DOCK5: variants seen among roughly 807,000 people sequenced by gnomAD.
DOCK5 encodes dedicator of cytokinesis 5.
A neutral mutation model predicts 251.8 loss-of-function variants in DOCK5; 142 were observed. The observed-to-expected ratio is 0.56, with a 90% CI of 0.49 to 0.65. The LOEUF is 0.65. DOCK5 is among the 30% of genes least tolerant of loss of function. The probability of loss-of-function intolerance (pLI) is 0.00; values close to 1 mark genes in which losing one functional copy is unlikely to be tolerated. For missense variants in DOCK5, 2,111 were observed against 2,312.3 expected (o/e 0.91, Z 1.79); for synonymous variants, 842 against 835.5 (o/e 1.01, Z -0.13).
At chr8:25,218,606 C>T (rs9657270) in intron 1 of DOCK5, among the ~76,000 whole-genome samples, 136 of 152,288 alleles carry the variant, frequency 8.9e-4, no homozygotes, top group African/African-American at 3.0e-3. Flanking sequence ...GTTTATGACA[C>T]GTTCAGCTGT....
At chr8:25,328,085 G>A (rs1246475155) in intron 18 of DOCK5, among the ~76,000 whole-genome samples, 6 of 151,838 alleles carry the variant, frequency 4.0e-5, no homozygotes, top group Admixed American at 3.9e-4. Context: ...CAAGCATTCT[G>A]GTCTTCTGCA....
chr8:25,361,529 G>A (rs1014160050), intron 28 of DOCK5, among the ~76,000 whole-genome samples: 6 of 152,142 alleles, frequency 3.9e-5, no homozygotes, highest in Admixed American at 1.3e-4. Flanking sequence ...CAGCAGAATC[G>A]CTTGAACCCG....
At chr8:25,242,114 G>T (rs968690689) in intron 1 of DOCK5, among the ~76,000 whole-genome samples, 5 of 151,910 alleles carry the variant, frequency 3.3e-5, no homozygotes, top group Admixed American at 2.0e-4. Context: ...TAACAAACCT[G>T]CATGTTCTGC....
chr8:25,320,422 A>G (rs892937378), intron 15 of DOCK5, among the ~76,000 whole-genome samples: 2 of 152,228 alleles, frequency 1.3e-5, no homozygotes, highest in African/African-American at 2.4e-5. Context: ...ATCTCAATGC[A>G]TATAAATTCT....
At position 25,238,731 on chromosome 8, in the gene DOCK5, G is replaced by C. The variant is rs577268556; in HGVS notation, c.44-4943G>C. Among the ~76,000 whole-genome samples the C allele has an allele frequency of 2.2e-4, 34 of 152,336 alleles. 1 individual carries two copies. The South Asian group carries it at 5.0e-3, about 22-fold the overall frequency. On this transcript the variant is annotated intron_variant, in intron 1 of 51. Transcript: ENST00000276440. ...TCTGGAGGAAAGCAGAAGTGTGTTT[G>C]AGTTTGGGGAAGAAGTGGTGAATAA...
At chr8:25,342,015 A>C (rs1265152762) in intron 24 of DOCK5, among the ~76,000 whole-genome samples, 1 of 152,186 alleles carries the variant, frequency 6.6e-6, no homozygotes, top group Non-Finnish European at 1.5e-5. Flanking sequence ...AAAACAAGAC[A>C]TGCAGACATA....
intron 2 of DOCK5, among the ~76,000 whole-genome samples, chr8:25,246,773 G>C (rs1803129048): frequency 6.9e-6 from 1 of 144,294 alleles, no homozygotes; most frequent in African/African-American, 2.8e-5. Flanking sequence ...GCGGGGTGGG[G>C]CAGTGTATAT....
At chr8:25,392,764 C>T in intron 43 of DOCK5, 32 bp from the exon 44 acceptor site, 1 of 1,578,922 alleles carries the variant, frequency 6.3e-7, no homozygotes, top group East Asian at 2.2e-5. Flanking sequence ...TGGGAATTGA[C>T]CAACATTTCA....
At chr8:25,399,303 G>A (rs941175048) in intron 45 of DOCK5, among the ~76,000 whole-genome samples, 1 of 152,180 alleles carries the variant, frequency 6.6e-6, no homozygotes, top group Non-Finnish European at 1.5e-5. Flanking sequence ...TGAGCCTGGT[G>A]CTGATATATA....
intron 1 of DOCK5, 57 bp downstream of exon 1, chr8:25,185,008 G>T: frequency 1.5e-6 from 2 of 1,300,430 alleles, no homozygotes; most frequent in African/African-American, 1.5e-5. Context: ...TTCGCGGACA[G>T]CGGCCCTGCC....
chr8:25,405,994 T>C (rs747572546), intron 48 of DOCK5, among the ~76,000 whole-genome samples: 5 of 152,214 alleles, frequency 3.3e-5, no homozygotes, highest in Non-Finnish European at 5.9e-5. Flanking sequence ...AGTCTGGCTC[T>C]GTCACCCAGG....
chr8:25,367,302 A>G (rs1800795212), intron 31 of DOCK5, among the ~76,000 whole-genome samples: 1 of 152,154 alleles, frequency 6.6e-6, no homozygotes, highest in Non-Finnish European at 1.5e-5. Flanking sequence ...CTCCTCATTC[A>G]TAGCGCTTCA....
chr8:25,187,152 C>A (rs1801448130), intron 1 of DOCK5, among the ~76,000 whole-genome samples: 1 of 150,676 alleles, frequency 6.6e-6, no homozygotes, highest in East Asian at 1.9e-4. Context: ...ACCGAGCCCC[C>A]ATCACGACAC....
intron 9 of DOCK5, 107 bp downstream of exon 9, chr8:25,300,764 A>G (rs1804741391): frequency 8.2e-7 from 1 of 1,220,300 alleles, no homozygotes; most frequent in Non-Finnish European, 1.1e-6. Flanking sequence ...AGGAAAAATC[A>G]TCAATCTGCC....
chr8:25,288,503 G>T (rs773098009), intron 5 of DOCK5, among the ~76,000 whole-genome samples: 3 of 152,200 alleles, frequency 2.0e-5, no homozygotes, highest in Admixed American at 6.5e-5. Flanking sequence ...CACGGATAGT[G>T]TCTAATGTAA....
chr8:25,375,606 A>G (rs1800950183), intron 37 of DOCK5: 1 of 833,338 alleles, frequency 1.2e-6, no homozygotes, highest in South Asian at 5.5e-5. Context: ...CACCTTGAGC[A>G]CTACAGCAGC....
chr8:25,334,278 G>T, intron 21 of DOCK5, 82 bp downstream of exon 21: 1 of 1,135,700 alleles, frequency 8.8e-7, no homozygotes, highest in South Asian at 1.3e-5. Context: ...AAACGAGACG[G>T]ACCTATTACT....
Position 25,359,060 on chromosome 8 carries a change from T to C in DOCK5, c.2948T>C (p.Ile983Thr). ...ISTFKTRQDI[I>T]DFLMETFIMF... Reference sequence around the variant, plus strand: ...ACTTTCAAAACCAGACAAGACATCATCGTAAGTTGCCTTTACTGGTCCTGG... The same window carrying C: ...ACTTTCAAAACCAGACAAGACATCACCGTAAGTTGCCTTTACTGGTCCTGG... The change falls in exon 28 of 52, where the codon ATC (isoleucine) becomes ACC (threonine). Residue 983 changes from isoleucine to threonine, a missense_variant and splice_region_variant. Ile to Thr is a moderately conservative substitution (Grantham distance 89). Coordinates refer to ENST00000276440, the MANE Select transcript of DOCK5 (RefSeq NM_024940.8). 6.2e-7 allele frequency: 1 copy of C among 1,613,692 alleles called. No individual in the cohort carries two copies. The highest frequency in any genetic ancestry group is 1.7e-5 in the Admixed American group (1 of 60,028).
chr8:25,189,260 A>G (rs1182392818), intron 1 of DOCK5, among the ~76,000 whole-genome samples: 4 of 151,890 alleles, frequency 2.6e-5, no homozygotes, highest in Admixed American at 6.6e-5. Flanking sequence ...GTCTTTCTAT[A>G]TTGTCCAGGC....
Sources: allele counts gnomAD v4.1 joint callset (sites outside exome capture counted in the v4.1 genomes callset), GRCh38; gene constraint gnomAD v4.1.1; transcripts MANE v1.5; gene names NCBI Gene and HGNC (gene_info 2026-07-23, HGNC 2026-07-21).